Variants in ZNF761 observed in about 807,000 individuals in gnomAD.
ZNF761 encodes zinc finger protein 761.
ZNF761 carries 43 observed loss-of-function variants against 59.9 expected under a neutral mutation model. The observed-to-expected ratio is 0.72, with a 90% CI of 0.56 to 0.92. The LOEUF is 0.92. Ranked by LOEUF, ZNF761 falls within the 40% of genes least tolerant of loss-of-function variation. The pLI is 0.00. For synonymous variants in ZNF761, 294 were observed against 304.8 expected, an observed-to-expected ratio of 0.96 and a Z score of 0.37; for missense variants, 850 against 906.1, an observed-to-expected ratio of 0.94 and a Z score of 0.79.
Position 53,456,959 on chromosome 19 carries a change from AG to A in ZNF761, c.*213del, listed in dbSNP as rs1186794573. 8.1e-6 allele frequency: 6 copies of A among 740,128 alleles called. No individual in the cohort carries two copies. Among genetic ancestry groups the A allele is most frequent in the Non-Finnish European group, 1.4e-5 (6 of 433,694 alleles). 45.8% of individuals were successfully genotyped at this position (740,128 alleles called of 1,614,324 possible). On this transcript the variant is annotated 3_prime_UTR_variant, in exon 5 of 5. Transcript: ENST00000684525. ...AGTCGCACATCAAACCGTGAAAGACAGGAGAATTCATACTGGAGAGAAACCA... is the reference window on the plus strand; with the variant it reads ...AGTCGCACATCAAACCGTGAAAGACAGAGAATTCATACTGGAGAGAAACCA...
intron 3 of ZNF761, among the ~76,000 whole-genome samples, chr19:53,447,623 T>G (rs549507511): frequency 2.6e-5 from 4 of 152,286 alleles, no homozygotes; most frequent in South Asian, 4.1e-4. Context: ...TGTGGACCAG[T>G]ATTAGAGCAG....
intron 1 of ZNF761, among the ~76,000 whole-genome samples, chr19:53,436,839 A>G (rs2086047332): frequency 6.6e-6 from 1 of 152,198 alleles, no homozygotes; most frequent in African/African-American, 2.4e-5. Flanking sequence ...AAGCAATAGC[A>G]TATACCCATA....
rs373546311 is a variant in ZNF761 at position 53,433,269 on chromosome 19, TATA to T, written c.-185+1244_-185+1246del. Among the ~76,000 whole-genome samples the T allele has an allele frequency of 8.8e-4, 134 of 152,286 alleles. 3 individuals carry two copies. In the East Asian group the frequency reaches 0.023, roughly 26 times the overall value. On this transcript the variant is annotated intron_variant, in intron 1 of 4. Transcript: ENST00000684525. ...GAAGCAGAATAAAAGCAGTTAATCA[TATA>T]ATGATAGGTCATGTAATCTATAGCA...
intron 1 of ZNF761, chr19:53,442,022 G>A (rs901821623): frequency 2.2e-5 from 23 of 1,026,052 alleles, no homozygotes; most frequent in Non-Finnish European, 2.2e-5. Flanking sequence ...CTCCGTGAAC[G>A]GTAGGATCCA....
intron 1 of ZNF761, among the ~76,000 whole-genome samples, chr19:53,440,558 G>A (rs1039566519): frequency 2.3e-4 from 35 of 152,144 alleles, no homozygotes; most frequent in Non-Finnish European, 3.7e-4. Context: ...TCAGCCAGAG[G>A]GCAGTGACTT....
rs555677123 is a variant in ZNF761 at position 53,433,943 on chromosome 19, C to T, written c.-185+1915C>T. ...ATTTCTTTAATAGCCTTCCTATTGTCATTGATTTCTAGGCAGCAATTAGTT... is the reference window on the plus strand; with the variant it reads ...ATTTCTTTAATAGCCTTCCTATTGTTATTGATTTCTAGGCAGCAATTAGTT... On this transcript the variant is annotated intron_variant, in intron 1 of 4. Transcript: ENST00000684525. 7.6e-4 allele frequency among the ~76,000 whole-genome samples: 116 copies of T among 152,274 alleles called. 2 individuals carry two copies. The highest frequency in any genetic ancestry group is 3.5e-4 in the Non-Finnish European group (24 of 68,010).
chr19:53,447,674 G>A (rs1489893801), intron 3 of ZNF761, among the ~76,000 whole-genome samples: 1 of 152,126 alleles, frequency 6.6e-6, no homozygotes, highest in East Asian at 1.9e-4. Flanking sequence ...CAAAGTATGT[G>A]GTAAATTCTA....
At chr19:53,442,657 G>A (rs2086112654) in intron 1 of ZNF761, 3 of 453,782 alleles carry the variant, frequency 6.6e-6, no homozygotes, top group East Asian at 3.0e-5. Flanking sequence ...CCCTGACTCT[G>A]CCTGAGGCCA....
chr19:53,456,949 C>T lies in ZNF761; in HGVS notation c.*201C>T, dbSNP rs751455143. ...CAAAGTTTACAGTCGCACATCAAAC[C>T]GTGAAAGACAGGAGAATTCATACTG... On this transcript the variant is annotated 3_prime_UTR_variant, in exon 5 of 5. Coordinates refer to ENST00000684525, the MANE Select transcript of ZNF761 (RefSeq NM_001289951.2). 16 of 727,900 alleles carry T rather than the reference C, an allele frequency of 2.2e-5. No homozygotes were observed. The highest frequency in any genetic ancestry group is 2.8e-5 in the Non-Finnish European group (12 of 427,106). 45.1% of individuals were successfully genotyped at this position (727,900 alleles called of 1,614,324 possible).
intron 4 of ZNF761, among the ~76,000 whole-genome samples, chr19:53,450,988 G>A (rs2086216939): frequency 7.8e-6 from 1 of 127,742 alleles, no homozygotes; most frequent in African/African-American, 3.5e-5. Flanking sequence ...ACGAGACTCT[G>A]TCTCAAAAAA....
Position 53,456,170 on chromosome 19 carries a change from T to A in ZNF761, c.1663T>A (p.Cys555Ser). The change falls in exon 5 of 5, where the codon TGT (cysteine) becomes AGT (serine). Residue 555 changes from cysteine (C) to serine (S), a missense_variant. By Grantham distance (112) the Cys-to-Ser change is moderately radical (BLOSUM62 -1). Transcript: ENST00000684525. ...AGAGAAACCTTACAAGTGTAAGGAG[T>A]GTGGCAAGACCTTCAATCAGCAGTT... ...SGEKPYKCKECGKTFNQQLTL... is the reference protein window; with the variant it reads ...SGEKPYKCKESGKTFNQQLTL... The A allele has an allele frequency of 6.2e-7, 1 of 1,613,688 alleles. No individual in the cohort carries two copies. The highest frequency in any genetic ancestry group is 8.5e-7 in the Non-Finnish European group (1 of 1,179,942).
At position 53,456,970 on chromosome 19, in the gene ZNF761, T is replaced by A; in HGVS notation, c.*222T>A. 1.4e-6 allele frequency: 1 copy of A among 716,244 alleles called. No homozygotes were observed. The highest frequency in any genetic ancestry group is 2.5e-4 in the Middle Eastern group (1 of 4,024). The allele number at this position is 716,244 out of a possible 1,614,324, so 44.4% of individuals were successfully genotyped here. On this transcript the variant is annotated 3_prime_UTR_variant, in exon 5 of 5. Coordinates refer to ENST00000684525, the MANE Select transcript of ZNF761 (RefSeq NM_001289951.2). The stretch of plus-strand genomic sequence containing the variant: ...AAACCGTGAAAGACAGGAGAATTCA[T>A]ACTGGAGAGAAACCATAAAAATGTA...
chr19:53,448,467 C>G (rs1226016144), intron 3 of ZNF761, among the ~76,000 whole-genome samples: 2 of 152,204 alleles, frequency 1.3e-5, no homozygotes, highest in Non-Finnish European at 2.9e-5. Context: ...CACTGGGGAG[C>G]CACTACTGTC....
chr19:53,450,082 A>G lies in ZNF761; in HGVS notation c.142+444A>G, dbSNP rs191054651. 1,757 of 335,454 alleles carry G rather than the reference A, an allele frequency of 5.2e-3. 31 individuals carry two copies. The highest frequency in any genetic ancestry group is 0.034 in the African/African-American group (1,596 of 46,646). 20.8% of individuals were successfully genotyped at this position (335,454 alleles called of 1,614,324 possible). Reference sequence around the variant, plus strand: ...CACTTTGGGAGGCCAAGGTGGGTGGATCACGAGGTCAGGCGATCGAGACCA... The same window carrying G: ...CACTTTGGGAGGCCAAGGTGGGTGGGTCACGAGGTCAGGCGATCGAGACCA... On this transcript the variant is annotated intron_variant, in intron 4 of 4. Coordinates refer to ENST00000684525, the MANE Select transcript of ZNF761 (RefSeq NM_001289951.2).
chr19:53,457,759 G>C lies in ZNF761; in HGVS notation c.*1011G>C, dbSNP rs1228247405. The C allele has an allele frequency of 1.2e-5, 2 of 160,202 alleles. No homozygotes were observed. The highest frequency in any genetic ancestry group is 1.3e-4 in the Admixed American group (2 of 15,394). The allele number at this position is 160,202 out of a possible 1,614,324, so 9.9% of individuals were successfully genotyped here. The stretch of plus-strand genomic sequence containing the variant: ...CTGAGCGCTTTGGGAGGCCAAGGTG[G>C]GTAGATCACTTGAGGTCAGGAGTTT... On this transcript the variant is annotated 3_prime_UTR_variant, in exon 5 of 5. Coordinates refer to ENST00000684525, the MANE Select transcript of ZNF761 (RefSeq NM_001289951.2).
intron 1 of ZNF761, chr19:53,443,412 G>A (rs1392140294): frequency 6.6e-6 from 1 of 152,574 alleles, no homozygotes; most frequent in East Asian, 1.9e-4. Flanking sequence ...AATGAGAAAA[G>A]ACAAGTTAAG....
intron 1 of ZNF761, chr19:53,442,089 A>G: frequency 1.0e-6 from 1 of 975,530 alleles, no homozygotes; most frequent in Non-Finnish European, 1.6e-6. Context: ...GCCCTGCAAA[A>G]GCTGGAAGAA....
intron 1 of ZNF761, among the ~76,000 whole-genome samples, chr19:53,433,443 C>G (rs113686585): frequency 1.3e-4 from 7 of 52,338 alleles, no homozygotes; most frequent in Admixed American, 4.6e-4. Flanking sequence ...GAGCCCATTT[C>G]TTTGGCTTCG....
chr19:53,432,254 C>T (rs555226048), intron 1 of ZNF761, among the ~76,000 whole-genome samples: 2 of 152,296 alleles, frequency 1.3e-5, no homozygotes, highest in East Asian at 3.9e-4. Context: ...AATGTATACA[C>T]TTTCTAACCT....
Sources: gnomAD v4.1 joint callset for allele counts (sites outside exome capture counted in the v4.1 genomes callset) on GRCh38, gnomAD v4.1.1 for gene constraint, MANE v1.5 for transcripts, NCBI Gene and HGNC (gene_info 2026-07-23, HGNC 2026-07-21) for gene names.